Variants in NDUFS4 observed in about 807,000 individuals in gnomAD.
NDUFS4 encodes NADH dehydrogenase [ubiquinone] iron-sulfur protein 4, mitochondrial.
NDUFS4 carries 28 observed loss-of-function variants against 24.3 expected under a neutral mutation model. The ratio of observed to expected loss-of-function variants is 1.15; its 90% CI spans 0.85 to 1.58. NDUFS4 has a LOEUF of 1.58. Ranked by LOEUF, NDUFS4 falls within the 40% of genes most tolerant of loss-of-function variation. The probability of loss-of-function intolerance (pLI) is 0.00; values close to 1 mark genes in which losing one functional copy is unlikely to be tolerated. For missense variants in NDUFS4, 223 were observed against 207.9 expected (o/e 1.07, Z -0.45); for synonymous variants, 93 against 69.7 (o/e 1.34, Z -1.67).
At chr5:53,674,277 TCTC>T (rs1419165748) in intron 4 of NDUFS4, among the ~76,000 whole-genome samples, 15 of 152,304 alleles carry the variant, frequency 9.8e-5, no homozygotes, top group South Asian at 4.1e-4. Flanking sequence ...TTCAGATTCT[TCTC>T]TTAAGTCCAT....
chr5:53,652,569 T>A (rs1752049772), intron 3 of NDUFS4, among the ~76,000 whole-genome samples: 1 of 152,200 alleles, frequency 6.6e-6, no homozygotes. Context: ...TATCTGCTTA[T>A]CTACAGTATT....
intron 1 of NDUFS4, among the ~76,000 whole-genome samples, chr5:53,574,257 C>T (rs1749315956): frequency 1.3e-5 from 2 of 152,210 alleles, no homozygotes; most frequent in African/African-American, 4.8e-5. Flanking sequence ...GAGGAGGTTC[C>T]CTTCTGCTTC....
chr5:53,627,930 T>G (rs1751281091), intron 2 of NDUFS4, among the ~76,000 whole-genome samples: 1 of 152,038 alleles, frequency 6.6e-6, no homozygotes, highest in Admixed American at 6.6e-5. Context: ...TGAATAGGAG[T>G]GGTGAGAGAG....
intron 1 of NDUFS4, among the ~76,000 whole-genome samples, chr5:53,591,230 T>G (rs1267742136): frequency 6.6e-6 from 1 of 152,206 alleles, no homozygotes; most frequent in Non-Finnish European, 1.5e-5. Flanking sequence ...ATAATGCTGC[T>G]ATAATCATGA....
chr5:53,677,607 CCTT>C (rs1358692945), intron 4 of NDUFS4, among the ~76,000 whole-genome samples: 1 of 152,036 alleles, frequency 6.6e-6, no homozygotes, highest in Middle Eastern at 3.4e-3. Context: ...TTTCTTTTCT[CCTT>C]CTTAAAATTA....
intron 4 of NDUFS4, among the ~76,000 whole-genome samples, chr5:53,662,389 G>A (rs1230956763): frequency 5.9e-5 from 9 of 152,168 alleles, no homozygotes; most frequent in Admixed American, 1.3e-4. Flanking sequence ...TGCTGGATTC[G>A]GTTTGCCAGT....
rs1223049959 is a variant in NDUFS4, at chr5:53,664,592, C to T, written c.424+5968C>T. ...TCATTTCATTCATTTGATCTTGCCT[C>T]ACTGATACCCTTTCTTCCAGTTGAT... On this transcript the variant is annotated intron_variant, in intron 4 of 4. Coordinates refer to ENST00000296684, the MANE Select transcript of NDUFS4 (RefSeq NM_002495.4). Among the ~76,000 whole-genome samples the T allele has an allele frequency of 5.9e-5, 9 of 152,284 alleles. No homozygotes were observed. The South Asian group carries it at 1.2e-3, about 21-fold the overall frequency.
chr5:53,668,454 T>G lies in NDUFS4; in HGVS notation c.424+9830T>G, dbSNP rs140818947. On this transcript the variant is annotated intron_variant, in intron 4 of 4. Coordinates refer to ENST00000296684, the MANE Select transcript of NDUFS4 (RefSeq NM_002495.4). ...ATTCAGTTGCTTTCTGGAAAACCTT[T>G]TTTTTGGAGGGGTTCGGGGCTGGAG... Among the ~76,000 whole-genome samples the G allele has an allele frequency of 4.6e-3, 703 of 151,944 alleles. 5 individuals carry two copies. Among genetic ancestry groups the G allele is most frequent in the African/African-American group, 0.016 (678 of 41,404 alleles).
intron 1 of NDUFS4, among the ~76,000 whole-genome samples, chr5:53,591,139 T>C (rs1444681969): frequency 6.6e-6 from 1 of 152,182 alleles, no homozygotes; most frequent in Non-Finnish European, 1.5e-5. Context: ...TAATATTCAA[T>C]TGTATGTATA....
chr5:53,639,453 A>G (rs1052464663), intron 2 of NDUFS4, among the ~76,000 whole-genome samples: 1 of 152,004 alleles, frequency 6.6e-6, no homozygotes, highest in African/African-American at 2.4e-5. Context: ...TTATTTTACT[A>G]AGAAATGACC....
intron 1 of NDUFS4, among the ~76,000 whole-genome samples, chr5:53,584,463 C>G (rs368711312): frequency 6.6e-6 from 1 of 152,002 alleles, no homozygotes; most frequent in East Asian, 1.9e-4. Flanking sequence ...TCAAGTGATT[C>G]TTCTGCCTCA....
intron 2 of NDUFS4, among the ~76,000 whole-genome samples, chr5:53,629,228 A>T (rs1302318921): frequency 6.6e-6 from 1 of 152,190 alleles, no homozygotes. Context: ...ATTTGATTGT[A>T]CTATGGTCTG....
chr5:53,677,395 A>G (rs1740509214), intron 4 of NDUFS4, among the ~76,000 whole-genome samples: 1 of 152,098 alleles, frequency 6.6e-6, no homozygotes, highest in African/African-American at 2.4e-5. Context: ...ATCACTTTAT[A>G]TAAATTTCAT....
At chr5:53,627,439 G>A (rs1257415497) in intron 2 of NDUFS4, among the ~76,000 whole-genome samples, 4 of 152,216 alleles carry the variant, frequency 2.6e-5, no homozygotes, top group South Asian at 4.2e-4. Context: ...TACCTTGATG[G>A]GTATAGCATT....
chr5:53,672,343 A>G (rs1334344088), intron 4 of NDUFS4, among the ~76,000 whole-genome samples: 2 of 152,214 alleles, frequency 1.3e-5, no homozygotes, highest in African/African-American at 4.8e-5. Flanking sequence ...AGGTGTTACA[A>G]CCAGTTCAGA....
intron 2 of NDUFS4, among the ~76,000 whole-genome samples, chr5:53,621,894 G>T (rs987710422): frequency 1.3e-5 from 2 of 151,446 alleles, no homozygotes; most frequent in South Asian, 2.1e-4. Flanking sequence ...TAGAGACGGG[G>T]TTTCACCGTG....
At chr5:53,605,966 A>G (rs1750486737) in intron 2 of NDUFS4, among the ~76,000 whole-genome samples, 1 of 147,870 alleles carries the variant, frequency 6.8e-6, no homozygotes, top group Non-Finnish European at 1.5e-5. Context: ...GTGAGCCAAG[A>G]TTGCGCCACT....
At chr5:53,574,256 C>A (rs1407186563) in intron 1 of NDUFS4, among the ~76,000 whole-genome samples, 1 of 152,150 alleles carries the variant, frequency 6.6e-6, no homozygotes, top group East Asian at 1.9e-4. Flanking sequence ...TGAGGAGGTT[C>A]CCTTCTGCTT....
At chr5:53,635,937 C>T (rs1751539886) in intron 2 of NDUFS4, among the ~76,000 whole-genome samples, 1 of 152,110 alleles carries the variant, frequency 6.6e-6, no homozygotes. Flanking sequence ...TATGTCAAAT[C>T]ATATACTACT....
Sources: gnomAD v4.1 joint callset for allele counts (sites outside exome capture counted in the v4.1 genomes callset) on GRCh38, gnomAD v4.1.1 for gene constraint, MANE v1.5 for transcripts, NCBI Gene and HGNC (gene_info 2026-07-23, HGNC 2026-07-21) for gene names.